The following BRWD1 variants were observed in gnomAD, a reference collection of about 807,000 sequenced individuals.
BRWD1 encodes the protein bromodomain and WD repeat-containing protein 1.
Under a neutral mutation model 251.2 loss-of-function variants are expected in BRWD1, and 82 were observed. The observed-to-expected ratio is 0.33, with a 90% confidence interval of 0.27 to 0.39. The LOEUF (loss-of-function observed/expected upper bound fraction) is 0.39, where lower values mean the gene tolerates loss of function less well. Among genes scored for constraint, BRWD1 ranks in the 10% least tolerant of loss-of-function variants. The probability of loss-of-function intolerance (pLI) is 1.00; values close to 1 mark genes in which losing one functional copy is unlikely to be tolerated. For synonymous variants in BRWD1, 918 were observed against 902.8 expected (o/e 1.02, Z -0.30); for missense variants, 2,233 against 2,711.6 (o/e 0.82, Z 3.92).
rs528567136 is a variant in BRWD1, at chr21:39,289,784, C to T, written c.831+4027G>A. 7.9e-5 allele frequency among the ~76,000 whole-genome samples: 12 copies of T among 151,188 alleles called. 1 individual carries two copies. Among genetic ancestry groups the T allele is most frequent in the African/African-American group, 2.4e-4 (10 of 41,222 alleles). On this transcript the variant is annotated intron_variant, in intron 8 of 40. Transcript: ENST00000342449. ...TCACGCCTGTAATCCCAGCACTTTGCGAGGCCGAGGCGGGCGGATCATGAG... is the reference window on the plus strand; with the variant it reads ...TCACGCCTGTAATCCCAGCACTTTGTGAGGCCGAGGCGGGCGGATCATGAG...
rs1247417192 is a variant in BRWD1 at position 39,188,612 on chromosome 21, T to G, written c.*7647A>C. 1 of 985,302 alleles carries G rather than the reference T, an allele frequency of 1.0e-6. No homozygotes were observed. Among genetic ancestry groups the G allele is most frequent in the Non-Finnish European group, 1.2e-6 (1 of 829,922 alleles). 61.0% of individuals were successfully genotyped at this position (985,302 alleles called of 1,614,324 possible). ...TGAGTACAGGTAAAAACTGCTTCTG[T>G]GGACTGACATGTTCATACAGCTAGA... On this transcript the variant is annotated 3_prime_UTR_variant, in exon 41 of 41. Coordinates refer to ENST00000342449, the MANE Select transcript of BRWD1 (RefSeq NM_033656.4).
intron 15 of BRWD1, 68 bp from the exon 16 acceptor site, chr21:39,265,087 T>C (rs2034877465): frequency 2.6e-6 from 4 of 1,513,412 alleles, no homozygotes; most frequent in Non-Finnish European, 3.6e-6. Context: ...TAAACTTTTT[T>C]AATGTGGATA....
Position 39,252,945 on chromosome 21 carries a change from T to C in BRWD1, c.2256-2056A>G, listed in dbSNP as rs137935858. ...TCAACCTACATCACAAATACAGATA[T>C]GTAATAGCTACAGCTTCAGCAGCTA... On this transcript the variant is annotated intron_variant, in intron 19 of 40. Coordinates refer to ENST00000342449, the MANE Select transcript of BRWD1 (RefSeq NM_033656.4). 8.1e-3 allele frequency among the ~76,000 whole-genome samples: 1,228 copies of C among 152,324 alleles called. 10 individuals are homozygous for C. The highest frequency in any genetic ancestry group is 0.02 in the Middle Eastern group (6 of 294).
At position 39,312,905 on chromosome 21, in the gene BRWD1, A is replaced by T. The variant is rs1238976774; in HGVS notation, c.139-5T>A. On this transcript the variant is annotated splice_polypyrimidine_tract_variant and splice_region_variant and intron_variant, in intron 3 of 40. Coordinates refer to ENST00000342449, the MANE Select transcript of BRWD1 (RefSeq NM_033656.4). The stretch of plus-strand genomic sequence containing the variant: ...GTCCAATCTCTTCGGCAACAACTGG[A>T]AAGACACGAAACGCACACGAGTGAC... The T allele has an allele frequency of 6.7e-7, 1 of 1,482,582 alleles. No individual in the cohort carries two copies. Among genetic ancestry groups the T allele is most frequent in the African/African-American group, 1.6e-5 (1 of 62,806 alleles). 91.8% of individuals were successfully genotyped at this position (1,482,582 alleles called of 1,614,324 possible). A position where few individuals can be genotyped will look rare whatever the true frequency, so the allele number is the denominator to read the frequency against.
intron 4 of BRWD1, among the ~76,000 whole-genome samples, chr21:39,300,731 G>A (rs193007135): frequency 5.9e-5 from 9 of 152,248 alleles, no homozygotes; most frequent in Admixed American, 5.2e-4. Flanking sequence ...TATGACCCAT[G>A]GTCAAGAGGG....
chr21:39,214,285 T>C (rs79409912), intron 32 of BRWD1, among the ~76,000 whole-genome samples: 2,323 of 152,316 alleles, frequency 0.015, 57 homozygotes, highest in African/African-American at 0.053. Context: ...TCTTTGATTC[T>C]GAATACTTCT....
intron 21 of BRWD1, among the ~76,000 whole-genome samples, chr21:39,240,896 A>T (rs1269236721): frequency 7.1e-6 from 1 of 141,006 alleles, no homozygotes; most frequent in African/African-American, 2.7e-5. Context: ...CAGGGTAAGT[A>T]AATCTTTTTT....
At position 39,298,413 on chromosome 21, in the gene BRWD1, C is replaced by G. The variant is rs2036016311; in HGVS notation, c.349+19G>C. On this transcript the variant is annotated intron_variant, in intron 5 of 40. Coordinates refer to ENST00000342449, the MANE Select transcript of BRWD1 (RefSeq NM_033656.4). ...TAGGCTATTAATACAAAGCAGAACA[C>G]TTCTTCAAATTAAGGTACCTTTTGC... The G allele has an allele frequency of 1.3e-6, 2 of 1,561,714 alleles. No individual in the cohort carries two copies. The highest frequency in any genetic ancestry group is 2.4e-5 in the South Asian group (2 of 82,046).
Position 39,270,014 on chromosome 21 carries a change from A to T in BRWD1, c.1415T>A (p.Phe472Tyr), listed in dbSNP as rs1177491132. Residue 472 changes from phenylalanine (F) to tyrosine (Y), a missense_variant, in exon 15 of 41, where the codon TTT becomes TAT. Physicochemically the swap from Phe to Tyr is conservative, Grantham distance 22 (BLOSUM62 3). Coordinates refer to ENST00000342449, the MANE Select transcript of BRWD1 (RefSeq NM_033656.4). Reference sequence around the variant, plus strand: ...ATCAAAGGGATGTGTCTCCAGAACAAATACTTCATCAGCATGTCCCTTTAT... The same window carrying T: ...ATCAAAGGGATGTGTCTCCAGAACATATACTTCATCAGCATGTCCCTTTAT... ...HNLMGHADEV[F>Y]VLETHPFDSR... 1.3e-6 allele frequency: 2 copies of T among 1,582,548 alleles called. No individual in the cohort carries two copies. The highest frequency in any genetic ancestry group is 1.7e-6 in the Non-Finnish European group (2 of 1,164,914).
rs949571344 is a variant in BRWD1, at chr21:39,313,244, G to A, written c.105C>T (p.Ala35=). The A allele has an allele frequency of 3.2e-6, 5 of 1,545,866 alleles. No homozygotes were observed. The highest frequency in any genetic ancestry group is 4.4e-6 in the Non-Finnish European group (5 of 1,140,908). ...YLSAGPCRRA[A]QVLVQELEQY... ...CCGCCCGCGGGCCCGCACTCACCTGGGCCGCTCTCCGACACGGGCCCGCCG... is the reference window on the plus strand; with the variant it reads ...CCGCCCGCGGGCCCGCACTCACCTGAGCCGCTCTCCGACACGGGCCCGCCG... The change falls in exon 2 of 41, where the codon GCC becomes GCT. Residue 35 remains alanine, a synonymous_variant. Transcript: ENST00000342449.
In BRWD1 at chr21:39,313,562, G is replaced by A; in HGVS notation, c.-71C>T. The A allele has an allele frequency of 3.2e-6, 4 of 1,231,058 alleles. No homozygotes were observed. The highest frequency in any genetic ancestry group is 4.1e-6 in the Non-Finnish European group (4 of 975,420). The allele number at this position is 1,231,058 out of a possible 1,614,324, so 76.3% of individuals were successfully genotyped here. On this transcript the variant is annotated 5_prime_UTR_variant, in exon 1 of 41. Transcript: ENST00000342449. ...GTGTAGGCCGCGCCGAGGCCTGACC[G>A]GGCTGGCGTCCCCTCTTCTCAGGCG... is the stretch of plus-strand genomic sequence containing the variant.
chr21:39,274,666 C>G (rs1371397385), intron 12 of BRWD1, among the ~76,000 whole-genome samples, 194 bp from the exon 13 acceptor site: 1 of 152,088 alleles, frequency 6.6e-6, no homozygotes, highest in Non-Finnish European at 1.5e-5. Context: ...ATGATTTGCC[C>G]GGCCCTATGA....
chr21:39,260,683 G>T (rs1255498995), intron 17 of BRWD1, among the ~76,000 whole-genome samples: 1 of 152,198 alleles, frequency 6.6e-6, no homozygotes, highest in Non-Finnish European at 1.5e-5. Flanking sequence ...ATCCCTGAGA[G>T]AAGGGGAACA....
intron 25 of BRWD1, among the ~76,000 whole-genome samples, chr21:39,230,289 C>T (rs551857692): frequency 5.3e-5 from 8 of 152,302 alleles, no homozygotes; most frequent in African/African-American, 1.9e-4. Flanking sequence ...ACCTTCCCCC[C>T]AGTGTCTGCT....
chr21:39,285,418 G>T (rs1048194837), intron 8 of BRWD1, among the ~76,000 whole-genome samples: 1 of 152,142 alleles, frequency 6.6e-6, no homozygotes, highest in African/African-American at 2.4e-5. Context: ...ACACAGTAAG[G>T]TGAGTACAGC....
intron 8 of BRWD1, among the ~76,000 whole-genome samples, chr21:39,289,185 G>C (rs1311750111): frequency 6.6e-6 from 1 of 151,862 alleles, no homozygotes. Context: ...TTCTTTATTA[G>C]TACATATTTC....
chr21:39,206,261 G>A lies in BRWD1; in HGVS notation c.4211C>T (p.Thr1404Ile). Residue 1404 changes from threonine (T) to isoleucine (I), a missense_variant, in exon 37 of 41, where the codon ACC becomes ATC. Thr to Ile is a moderately conservative substitution (Grantham distance 89). Around this residue, in one of 12 missense-constraint regions of BRWD1, gnomAD observed 69 missense variants for 101.6 expected, o/e 0.68. Transcript: ENST00000342449. Reference protein sequence around the residue: ...PNKRSKIYSMTLRLSALFEEK... With the variant: ...PNKRSKIYSMILRLSALFEEK... ...TTCAAATAAGGCAGATAATCTCAAG[G>A]TCATACTATAAATCTGCAAGGATAT... 6.3e-7 allele frequency: 1 copy of A among 1,585,064 alleles called. No individual in the cohort carries two copies. The highest frequency in any genetic ancestry group is 8.6e-7 in the Non-Finnish European group (1 of 1,160,178).
At chr21:39,294,085 A>AT in intron 7 of BRWD1, 53 bp from the exon 8 acceptor site, 8 of 1,411,122 alleles carry the variant, frequency 5.7e-6, no homozygotes, top group African/African-American at 1.4e-5. Flanking sequence ...TCTTTTAAAT[A>AT]TTAAAAGAAT....
Position 39,285,256 on chromosome 21 carries a change from T to C in BRWD1, c.832-5008A>G, listed in dbSNP as rs141510124. On this transcript the variant is annotated intron_variant, in intron 8 of 40. Coordinates refer to ENST00000342449, the MANE Select transcript of BRWD1 (RefSeq NM_033656.4). The stretch of plus-strand genomic sequence containing the variant: ...AGGCAAACACTGTGTAATTTCACCC[T>C]TGAATTTTAAAAGTTGATTTCACAG... Among the ~76,000 whole-genome samples the C allele has an allele frequency of 3.4e-4, 52 of 152,328 alleles. No individual in the cohort carries two copies. In the East Asian group the frequency reaches 9.1e-3, roughly 27 times the overall value.
Sources: allele counts gnomAD v4.1 joint callset (sites outside exome capture counted in the v4.1 genomes callset), GRCh38; gene constraint gnomAD v4.1.1; regional missense constraint gnomAD v4.1.1; transcripts MANE v1.5; gene names NCBI Gene and HGNC (gene_info 2026-07-23, HGNC 2026-07-21).